CACNA2D1: variants seen among roughly 807,000 people sequenced by gnomAD.
CACNA2D1 encodes the protein voltage-dependent calcium channel subunit alpha-2/delta-1.
In CACNA2D1, 53 loss-of-function variants were observed where a neutral mutation model predicts 171.5. The observed-to-expected ratio is 0.31, with a 90% CI of 0.25 to 0.39. The LOEUF is 0.39. CACNA2D1 is among the 10% of genes least tolerant of loss of function. CACNA2D1 has a pLI of 1.00. For missense variants in CACNA2D1, 903 were observed against 1,299.8 expected, an observed-to-expected ratio of 0.69 and a Z score of 4.69; for synonymous variants, 442 against 443.1, an observed-to-expected ratio of 1.00 and a Z score of 0.03.
intron 12 of CACNA2D1, among the ~76,000 whole-genome samples, chr7:82,019,929 A>G (rs1170827470): frequency 1.3e-5 from 2 of 152,200 alleles, no homozygotes; most frequent in Admixed American, 6.6e-5. Flanking sequence ...CATTAAGCCT[A>G]TGAAAATACT....
Position 82,147,307 on chromosome 7 carries a change from T to C in CACNA2D1, c.355-10631A>G, listed in dbSNP as rs115772977. The stretch of plus-strand genomic sequence containing the variant: ...CTTTAATAGGAATCTGCCTGTAAGC[T>C]ATTTTGGTGTTCCAAATGATATCAA... On this transcript the variant is annotated intron_variant, in intron 4 of 38. Transcript: ENST00000356860. 4.4e-3 allele frequency among the ~76,000 whole-genome samples: 676 copies of C among 152,262 alleles called. 2 individuals are homozygous for C. The highest frequency in any genetic ancestry group is 0.015 in the African/African-American group (638 of 41,556).
At chr7:82,277,324 C>G (rs1809480689) in intron 3 of CACNA2D1, among the ~76,000 whole-genome samples, 1 of 151,828 alleles carries the variant, frequency 6.6e-6, no homozygotes, top group African/African-American at 2.4e-5. Flanking sequence ...TGCCTCAGCC[C>G]CCGAGTAGCT....
chr7:82,106,863 A>G (rs1011794079), intron 6 of CACNA2D1, among the ~76,000 whole-genome samples: 1 of 152,142 alleles, frequency 6.6e-6, no homozygotes, highest in Non-Finnish European at 1.5e-5. Flanking sequence ...TGTGATCTGC[A>G]TGTGGGCATT....
intron 1 of CACNA2D1, among the ~76,000 whole-genome samples, chr7:82,391,693 G>A (rs1825143582): frequency 2.0e-5 from 3 of 152,178 alleles, no homozygotes; most frequent in Admixed American, 2.0e-4. Flanking sequence ...CCATGTGACG[G>A]AATTTAAAGG....
intron 7 of CACNA2D1, among the ~76,000 whole-genome samples, chr7:82,072,871 G>T (rs143337293): frequency 6.6e-6 from 1 of 152,062 alleles, no homozygotes; most frequent in Non-Finnish European, 1.5e-5. Context: ...TAAACACTTA[G>T]AACCATAGTT....
intron 1 of CACNA2D1, among the ~76,000 whole-genome samples, chr7:82,373,277 C>T (rs1219719154): frequency 6.6e-6 from 1 of 152,144 alleles, no homozygotes; most frequent in Non-Finnish European, 1.5e-5. Context: ...TGGAAAGAAT[C>T]TTCTAATTGA....
At chr7:82,317,758 G>T (rs1414632174) in intron 3 of CACNA2D1, among the ~76,000 whole-genome samples, 1 of 152,004 alleles carries the variant, frequency 6.6e-6, no homozygotes, top group Non-Finnish European at 1.5e-5. Context: ...CAGACATTTG[G>T]CGTCATTTAA....
chr7:82,428,733 AT>A (rs1264725403), intron 1 of CACNA2D1, among the ~76,000 whole-genome samples: 1 of 152,188 alleles, frequency 6.6e-6, no homozygotes, highest in African/African-American at 2.4e-5. Context: ...CCGGTATGTG[AT>A]ACTCTTTTAC....
At chr7:82,128,973 A>C (rs1456376325) in intron 5 of CACNA2D1, among the ~76,000 whole-genome samples, 1 of 152,156 alleles carries the variant, frequency 6.6e-6, no homozygotes, top group Non-Finnish European at 1.5e-5. Flanking sequence ...AGAATATGTT[A>C]TATCCAAAGG....
intron 4 of CACNA2D1, among the ~76,000 whole-genome samples, chr7:82,144,282 A>AT (rs1318516956): frequency 6.6e-6 from 1 of 151,822 alleles, no homozygotes; most frequent in Non-Finnish European, 1.5e-5. Flanking sequence ...TTCGAATCTG[A>AT]TTTTCTATTA....
chr7:81,951,517 C>A (rs1792518254), intron 38 of CACNA2D1, among the ~76,000 whole-genome samples: 1 of 151,988 alleles, frequency 6.6e-6, no homozygotes, highest in Non-Finnish European at 1.5e-5. Flanking sequence ...CCCAAGTCCC[C>A]AAAGTCCATT....
chr7:82,125,195 T>C (rs1790195429), intron 5 of CACNA2D1, among the ~76,000 whole-genome samples: 1 of 152,198 alleles, frequency 6.6e-6, no homozygotes, highest in African/African-American at 2.4e-5. Flanking sequence ...ATTTTGAACA[T>C]GATCAATAAA....
intron 7 of CACNA2D1, among the ~76,000 whole-genome samples, chr7:82,082,075 G>A (rs751512572): frequency 2.0e-5 from 3 of 152,216 alleles, no homozygotes; most frequent in East Asian, 1.9e-4. Context: ...TTTAAGTCCC[G>A]CCATCTGCAG....
chr7:82,364,831 A>C (rs913924437), intron 1 of CACNA2D1, among the ~76,000 whole-genome samples: 3 of 152,184 alleles, frequency 2.0e-5, no homozygotes, highest in African/African-American at 7.2e-5. Flanking sequence ...GACAGAAGGG[A>C]AAGTTTATGG....
rs142083549 is a variant in CACNA2D1 at position 82,132,242 on chromosome 7, T to A, written c.396+4393A>T. Among the ~76,000 whole-genome samples, 603 of 152,344 alleles carry A rather than the reference T, an allele frequency of 4.0e-3. 5 individuals carry two copies. Among genetic ancestry groups the A allele is most frequent in the African/African-American group, 0.013 (532 of 41,596 alleles). ...TTTGATTATATTTAAAAGATAATAG[T>A]CACTCAGATGAATGAGTAGAGTGTT... is the stretch of plus-strand genomic sequence containing the variant. On this transcript the variant is annotated intron_variant, in intron 5 of 38. Transcript: ENST00000356860.
intron 4 of CACNA2D1, among the ~76,000 whole-genome samples, chr7:82,147,108 G>A (rs1449805630): frequency 1.4e-5 from 2 of 146,966 alleles, no homozygotes; most frequent in Non-Finnish European, 3.0e-5. Context: ...AAAAAGTGTA[G>A]AGCTTTACAA....
intron 3 of CACNA2D1, among the ~76,000 whole-genome samples, chr7:82,190,587 A>G (rs999293733): frequency 1.3e-5 from 2 of 151,706 alleles, no homozygotes; most frequent in African/African-American, 4.8e-5. Flanking sequence ...ACCCTTACCC[A>G]TCATCCAACT....
At chr7:82,204,462 A>C (rs1386604975) in intron 3 of CACNA2D1, among the ~76,000 whole-genome samples, 1 of 152,128 alleles carries the variant, frequency 6.6e-6, no homozygotes, top group Non-Finnish European at 1.5e-5. Context: ...CAACACCCTT[A>C]AAGGTAGGGA....
intron 10 of CACNA2D1, among the ~76,000 whole-genome samples, chr7:82,058,854 T>A (rs1806260010): frequency 6.6e-6 from 1 of 152,136 alleles, no homozygotes; most frequent in Non-Finnish European, 1.5e-5. Flanking sequence ...TACAGTTTAT[T>A]CCCCAGAGAA....
Sources: gnomAD v4.1 joint callset for allele counts (sites outside exome capture counted in the v4.1 genomes callset) on GRCh38, gnomAD v4.1.1 for gene constraint, MANE v1.5 for transcripts, NCBI Gene and HGNC (gene_info 2026-07-23, HGNC 2026-07-21) for gene names.